The following NWD1 variants were observed in gnomAD, a reference collection of about 807,000 sequenced individuals.
The protein encoded by NWD1 is NACHT and WD repeat domain containing 1.
NWD1 carries 129 observed loss-of-function variants against 135.1 expected under a neutral mutation model. The ratio of observed to expected loss-of-function variants is 0.96; its 90% CI spans 0.83 to 1.11. NWD1 has a LOEUF of 1.11. Among genes scored for constraint, NWD1 ranks in the 50% least tolerant of loss-of-function variants. The pLI is 0.00. For synonymous variants in NWD1, 773 were observed against 786.0 expected (o/e 0.98, Z 0.28); for missense variants, 1,740 against 1,851.3 (o/e 0.94, Z 1.10).
intron 14 of NWD1, among the ~76,000 whole-genome samples, chr19:16,791,895 G>A (rs1396622713): frequency 6.6e-6 from 1 of 151,992 alleles, no homozygotes; most frequent in Non-Finnish European, 1.5e-5. Context: ...TGTGTTTTTA[G>A]TAGAGACAGG....
chr19:16,759,355 C>G lies in NWD1; in HGVS notation c.1900C>G (p.Leu634Val), dbSNP rs758222699. 1 of 1,612,924 alleles carries G rather than the reference C, an allele frequency of 6.2e-7. No homozygotes were observed. Among genetic ancestry groups the G allele is most frequent in the Non-Finnish European group, 8.5e-7 (1 of 1,179,620 alleles). Residue 634 changes from leucine to valine, a missense_variant, in exon 7 of 19, where the codon CTT becomes GTT. Transcript: ENST00000524140. Reference protein sequence around the residue: ...LRFPPLLWVRLRRDLGYYLAR... With the variant: ...LRFPPLLWVRVRRDLGYYLAR... ...CTTCCCGCCCCTGCTGTGGGTGCGGCTTCGTCGGGATCTGGGATACTACTT... is the reference window on the plus strand; with the variant it reads ...CTTCCCGCCCCTGCTGTGGGTGCGGGTTCGTCGGGATCTGGGATACTACTT...
chr19:16,729,854 C>T (rs926472499), intron 2 of NWD1, among the ~76,000 whole-genome samples: 4 of 145,946 alleles, frequency 2.7e-5, no homozygotes, highest in Non-Finnish European at 6.0e-5. Context: ...GGGCACAGAG[C>T]GAGACTCTGT....
rs769555044 is a variant in NWD1, at chr19:16,763,916, G to C, written c.2222G>C (p.Arg741Pro). The change falls in exon 9 of 19, where the codon CGC (arginine) becomes CCC (proline). Residue 741 changes from arginine (R) to proline (P), a missense_variant. Physicochemically the swap from Arg to Pro is moderately radical, Grantham distance 103. Coordinates refer to ENST00000524140, the MANE Select transcript of NWD1 (RefSeq NM_001007525.5). Reference protein sequence around the residue: ...ELPYHLLHSGRLEELKQEVLG... With the variant: ...ELPYHLLHSGPLEELKQEVLG... Reference sequence around the variant, plus strand: ...CCCTATCACCTGCTTCACTCGGGCCGCCTGGAGGAGCTGAAACAGGAGGTT... The same window carrying C: ...CCCTATCACCTGCTTCACTCGGGCCCCCTGGAGGAGCTGAAACAGGAGGTT... The C allele has an allele frequency of 6.2e-7, 1 of 1,612,844 alleles. No individual in the cohort carries two copies. The highest frequency in any genetic ancestry group is 2.2e-5 in the East Asian group (1 of 44,866).
intron 17 of NWD1, among the ~76,000 whole-genome samples, chr19:16,804,447 G>C (rs1374284628): frequency 6.6e-6 from 1 of 151,840 alleles, no homozygotes; most frequent in Non-Finnish European, 1.5e-5. Flanking sequence ...AATTTAAAAG[G>C]TATCGGGCTT....
Position 16,773,184 on chromosome 19 carries a change from T to A in NWD1, c.2469T>A (p.His823Gln). Residue 823 changes from histidine to glutamine, a missense_variant, in exon 11 of 19, where the codon CAT (histidine) becomes CAA (glutamine). His to Gln is a conservative substitution (Grantham distance 24). Transcript: ENST00000524140. ...GACTCCATTTCTTCGCCACCTCACA[T>A]CCAGCACTGGTGGGACAGCTATGCC... is the stretch of plus-strand genomic sequence containing the variant. ...LARLHFFATSHPALVGQLCQQ... is the reference protein window; with the variant it reads ...LARLHFFATSQPALVGQLCQQ... 6.2e-7 allele frequency: 1 copy of A among 1,613,940 alleles called. No homozygotes were observed. Among genetic ancestry groups the A allele is most frequent in the African/African-American group, 1.3e-5 (1 of 75,048 alleles).
At chr19:16,762,297 C>CTT (rs71180331) in intron 8 of NWD1, among the ~76,000 whole-genome samples, 159 bp downstream of exon 8, 10,892 of 117,666 alleles carry the variant, frequency 0.093, 1,573 homozygotes, top group African/African-American at 0.26. Flanking sequence ...CCCCCCACTC[C>CTT]TTTTTTTTTT....
chr19:16,778,491 C>CTT (rs1969735692), intron 11 of NWD1, among the ~76,000 whole-genome samples: 3 of 50,288 alleles, frequency 6.0e-5, no homozygotes, highest in Admixed American at 2.4e-4. Flanking sequence ...TCTTCTTCTT[C>CTT]TTCTTTTTTT....
Position 16,755,041 on chromosome 19 carries a change from A to G in NWD1, c.1770-4184A>G, listed in dbSNP as rs916497755. Among the ~76,000 whole-genome samples, 315 of 152,138 alleles carry G rather than the reference A, an allele frequency of 2.1e-3. 9 individuals carry two copies. The highest frequency in any genetic ancestry group is 0.021 in the Admixed American group (315 of 15,246). On this transcript the variant is annotated intron_variant, in intron 6 of 18. Coordinates refer to ENST00000524140, the MANE Select transcript of NWD1 (RefSeq NM_001007525.5). Reference sequence around the variant, plus strand: ...CATCTGTCTATACCTATCTAACTCTATATCTATCCCACATCTACAAATACA... The same window carrying G: ...CATCTGTCTATACCTATCTAACTCTGTATCTATCCCACATCTACAAATACA...
intron 12 of NWD1, among the ~76,000 whole-genome samples, chr19:16,786,815 G>A (rs1970056498): frequency 6.6e-6 from 1 of 152,078 alleles, no homozygotes; most frequent in Non-Finnish European, 1.5e-5. Flanking sequence ...GCCTCCCAAC[G>A]TGCTGGGATT....
At chr19:16,757,493 C>T (rs1399163677) in intron 6 of NWD1, among the ~76,000 whole-genome samples, 1 of 152,164 alleles carries the variant, frequency 6.6e-6, no homozygotes, top group Non-Finnish European at 1.5e-5. Flanking sequence ...AACAGTTTTG[C>T]TTTTGGCAGA....
At chr19:16,775,660 A>T (rs1448759385) in intron 11 of NWD1, among the ~76,000 whole-genome samples, 3 of 152,084 alleles carry the variant, frequency 2.0e-5, no homozygotes, top group African/African-American at 7.2e-5. Flanking sequence ...ATATGTTTTT[A>T]TATTTTTATT....
At chr19:16,742,019 C>T (rs1190071765) in intron 4 of NWD1, among the ~76,000 whole-genome samples, 1 of 151,894 alleles carries the variant, frequency 6.6e-6, no homozygotes, top group African/African-American at 2.4e-5. Flanking sequence ...GTAGAGGTTG[C>T]AGTGAGCTGA....
At chr19:16,730,427 T>A (rs1967511690) in intron 2 of NWD1, among the ~76,000 whole-genome samples, 1 of 152,048 alleles carries the variant, frequency 6.6e-6, no homozygotes, top group East Asian at 1.9e-4. Flanking sequence ...AAACAAGATA[T>A]AATCCACTGG....
intron 5 of NWD1, among the ~76,000 whole-genome samples, chr19:16,748,933 G>A (rs1265657799): frequency 6.6e-6 from 1 of 152,060 alleles, no homozygotes; most frequent in African/African-American, 2.4e-5. Context: ...CAAACTCCGG[G>A]GCCCCACTCA....
rs535080534 is a variant in NWD1, at chr19:16,744,655, G to A, written c.433G>A (p.Ala145Thr). Residue 145 changes from alanine to threonine, a missense_variant, in exon 5 of 19, where the codon GCC (alanine) becomes ACC (threonine). Ala to Thr is a moderately conservative substitution (Grantham distance 58, BLOSUM62 0). Transcript: ENST00000524140. The part of the protein sequence containing the change: ...ATLTSVLRSG[A>T]QEARRLGLIT... ...CTTAACTTCTGTCCTACGCTCTGGAGCCCAGGAGGCCCGGAGGCTGGGGCT... is the reference window on the plus strand; with the variant it reads ...CTTAACTTCTGTCCTACGCTCTGGAACCCAGGAGGCCCGGAGGCTGGGGCT... 78 of 1,535,916 alleles carry A rather than the reference G, an allele frequency of 5.1e-5. No individual in the cohort carries two copies. The South Asian group carries it at 7.6e-4, about 15-fold the overall frequency.
chr19:16,726,890 AG>A (rs571872969), intron 2 of NWD1, among the ~76,000 whole-genome samples: 189 of 152,254 alleles, frequency 1.2e-3, no homozygotes, highest in African/African-American at 4.0e-3. Flanking sequence ...GCAACTGGAA[AG>A]GTCTCCAGAC....
At chr19:16,807,118 T>G (rs1399468079) in intron 17 of NWD1, among the ~76,000 whole-genome samples, 2 of 149,406 alleles carry the variant, frequency 1.3e-5, no homozygotes, top group African/African-American at 4.9e-5. Flanking sequence ...AGTCCAAAAG[T>G]TGGAGGCTGC....
chr19:16,744,345 C>T (rs1968209590), intron 4 of NWD1, 76 bp from the exon 5 acceptor site: 1 of 1,345,890 alleles, frequency 7.4e-7, no homozygotes, highest in Non-Finnish European at 1.0e-6. Flanking sequence ...CCACCGCACT[C>T]CAGCCTGGGC....
At chr19:16,731,974 T>TG (rs1463440304) in intron 3 of NWD1, among the ~76,000 whole-genome samples, 1 of 151,692 alleles carries the variant, frequency 6.6e-6, no homozygotes, top group African/African-American at 2.4e-5. Context: ...CCCAGCACTT[T>TG]GGGAGGCAAA....
Sources: allele counts gnomAD v4.1 joint callset (sites outside exome capture counted in the v4.1 genomes callset), GRCh38; gene constraint gnomAD v4.1.1; transcripts MANE v1.5; gene names NCBI Gene and HGNC (gene_info 2026-07-23, HGNC 2026-07-21).